The following POU6F2 variants were observed in gnomAD, a reference collection of about 807,000 sequenced individuals.
POU6F2 encodes the protein POU domain, class 6, transcription factor 2.
In POU6F2, 31 loss-of-function variants were observed where a neutral mutation model predicts 71.3. The ratio of observed to expected loss-of-function variants is 0.43; its 90% CI spans 0.33 to 0.59. The LOEUF (loss-of-function observed/expected upper bound fraction) is 0.59. Ranked by LOEUF, POU6F2 falls within the 20% of genes least tolerant of loss-of-function variation. The pLI is 0.04. For missense variants in POU6F2, 783 were observed against 856.8 expected (o/e 0.91, Z 1.07); for synonymous variants, 347 against 355.7 (o/e 0.98, Z 0.27).
chr7:39,236,129 AG>A (rs1794671301), intron 4 of POU6F2, among the ~76,000 whole-genome samples: 1 of 152,184 alleles, frequency 6.6e-6, no homozygotes, highest in South Asian at 2.1e-4. Context: ...ACTTCCTTTG[AG>A]GACTCAAAGG....
chr7:39,007,119 C>G (rs1281453547), intron 1 of POU6F2, among the ~76,000 whole-genome samples: 1 of 152,186 alleles, frequency 6.6e-6, no homozygotes, highest in Non-Finnish European at 1.5e-5. Flanking sequence ...CCTACATTGA[C>G]TATATATCTC....
chr7:39,376,004 C>T (rs1425000530), intron 5 of POU6F2, among the ~76,000 whole-genome samples: 2 of 152,150 alleles, frequency 1.3e-5, no homozygotes, highest in African/African-American at 4.8e-5. Flanking sequence ...TACTTAAATT[C>T]TCAAAACCTC....
chr7:39,434,035 C>G (rs1038560198), intron 7 of POU6F2, among the ~76,000 whole-genome samples: 13 of 152,178 alleles, frequency 8.5e-5, no homozygotes, highest in African/African-American at 2.7e-4. Flanking sequence ...TGCAGTAGAG[C>G]AGAGACTGTC....
intron 2 of POU6F2, among the ~76,000 whole-genome samples, chr7:39,201,420 G>C (rs1222489182): frequency 6.6e-6 from 1 of 152,210 alleles, no homozygotes; most frequent in Non-Finnish European, 1.5e-5. Context: ...ACAGTGAGTA[G>C]TCACGTGGAT....
chr7:39,425,239 A>T (rs17712872), intron 6 of POU6F2, among the ~76,000 whole-genome samples: 45,094 of 151,558 alleles, frequency 0.3, 7,137 homozygotes, highest in East Asian at 0.55. Context: ...ATACTAGATT[A>T]CTTCTTCCCC....
intron 7 of POU6F2, among the ~76,000 whole-genome samples, chr7:39,436,181 G>A (rs763507363): frequency 6.6e-6 from 1 of 152,054 alleles, no homozygotes; most frequent in Non-Finnish European, 1.5e-5. Context: ...TAGTTTGATG[G>A]GTATAGCGTT....
chr7:39,397,469 T>G (rs1477586870), intron 5 of POU6F2, among the ~76,000 whole-genome samples: 5 of 132,656 alleles, frequency 3.8e-5, no homozygotes, highest in African/African-American at 5.5e-5. Flanking sequence ...TATATAGACA[T>G]AGAGAGAGAC....
intron 6 of POU6F2, among the ~76,000 whole-genome samples, chr7:39,413,095 C>T (rs1787589949): frequency 6.6e-6 from 1 of 151,798 alleles, no homozygotes; most frequent in South Asian, 2.1e-4. Context: ...TGAGCCACCG[C>T]GCCCGGCCTT....
intron 5 of POU6F2, among the ~76,000 whole-genome samples, chr7:39,404,013 G>A (rs1355240637): frequency 6.6e-6 from 1 of 152,176 alleles, no homozygotes; most frequent in South Asian, 2.1e-4. Context: ...AATGACGGTA[G>A]GAAGTAAAAG....
At chr7:39,129,283 T>C (rs1462458496) in intron 2 of POU6F2, among the ~76,000 whole-genome samples, 2 of 152,174 alleles carry the variant, frequency 1.3e-5, no homozygotes, top group African/African-American at 4.8e-5. Context: ...GAATAGAAAT[T>C]CTGCCTATCT....
At chr7:39,364,092 G>A (rs11971767) in intron 5 of POU6F2, among the ~76,000 whole-genome samples, 4,763 of 152,222 alleles carry the variant, frequency 0.031, 99 homozygotes, top group African/African-American at 0.046. Flanking sequence ...AATCAGGGAT[G>A]TTCTTGAATA....
At chr7:39,326,343 C>T (rs1015501192) in intron 4 of POU6F2, among the ~76,000 whole-genome samples, 2 of 152,208 alleles carry the variant, frequency 1.3e-5, no homozygotes, top group Non-Finnish European at 2.9e-5. Flanking sequence ...TTGTTTCTGC[C>T]ATGTTCTTCA....
intron 1 of POU6F2, among the ~76,000 whole-genome samples, chr7:39,068,425 A>G (rs1790804847): frequency 6.6e-6 from 1 of 151,842 alleles, no homozygotes; most frequent in African/African-American, 2.4e-5. Context: ...GCTAACTTGT[A>G]CATGCAGTCT....
intron 4 of POU6F2, among the ~76,000 whole-genome samples, chr7:39,314,132 T>C (rs1321029108): frequency 1.3e-5 from 2 of 152,232 alleles, no homozygotes; most frequent in Non-Finnish European, 1.5e-5. Flanking sequence ...TACTTCTGCC[T>C]GCAGGTCAGG....
chr7:39,339,688 C>CCAGCAG lies in POU6F2; in HGVS notation c.671_676dup (p.Gln224_Gln225dup), dbSNP rs751710078. ...AGCTCCAGCAGCTCCAGCTCCAGCT[C>CCAGCAG]CAGCAGCAGCAGCAGCAGCAGCAGC... On this transcript the variant is annotated inframe_insertion, in exon 5 of 10. Transcript: ENST00000518318. The CCAGCAG allele has an allele frequency of 3.8e-4, 615 of 1,597,986 alleles. No homozygotes were observed. The South Asian group carries it at 4.2e-3, about 11-fold the overall frequency.
intron 7 of POU6F2, among the ~76,000 whole-genome samples, chr7:39,443,334 T>G (rs1276840380): frequency 6.6e-6 from 1 of 152,160 alleles, no homozygotes. Flanking sequence ...TACACATATG[T>G]GCACCTCTCA....
chr7:39,262,665 G>A (rs73382903), intron 4 of POU6F2, among the ~76,000 whole-genome samples: 2,673 of 152,226 alleles, frequency 0.018, 74 homozygotes, highest in African/African-American at 0.061. Context: ...GAGTAGAATT[G>A]CCATATCAGA....
intron 7 of POU6F2, among the ~76,000 whole-genome samples, chr7:39,441,664 G>A (rs927322009): frequency 6.6e-6 from 1 of 152,158 alleles, no homozygotes; most frequent in African/African-American, 2.4e-5. Context: ...ATAAAATTAG[G>A]TAAAGCAATG....
chr7:39,033,071 A>T (rs1199312593), intron 1 of POU6F2, among the ~76,000 whole-genome samples: 1 of 152,202 alleles, frequency 6.6e-6, no homozygotes, highest in Non-Finnish European at 1.5e-5. Context: ...CCCAGGAGCA[A>T]AAAGAAACTT....
Sources: gnomAD v4.1 joint callset for allele counts (sites outside exome capture counted in the v4.1 genomes callset) on GRCh38, gnomAD v4.1.1 for gene constraint, MANE v1.5 for transcripts, NCBI Gene and HGNC (gene_info 2026-07-23, HGNC 2026-07-21) for gene names.